Variants in DIAPH3 observed in about 807,000 individuals in gnomAD.
DIAPH3 encodes the protein diaphanous related formin 3.
A neutral mutation model predicts 144.3 loss-of-function variants in DIAPH3; 117 were observed. The ratio of observed to expected loss-of-function variants is 0.81; its 90% CI spans 0.70 to 0.95. The LOEUF (loss-of-function observed/expected upper bound fraction) is 0.95. Ranked by LOEUF, DIAPH3 falls within the 40% of genes least tolerant of loss-of-function variation. The pLI is 0.00. For missense variants in DIAPH3, 1,421 were observed against 1,412.7 expected, an observed-to-expected ratio of 1.01 and a Z score of -0.09; for synonymous variants, 519 against 488.9, an observed-to-expected ratio of 1.06 and a Z score of -0.81.
rs60853102 is a variant in DIAPH3 at position 60,105,099 on chromosome 13, C to CAAAAAAAAAAAAAAAA, written c.390+6895_390+6910dup. 2.2e-3 allele frequency among the ~76,000 whole-genome samples: 91 copies of CAAAAAAAAAAAAAAAA among 41,814 alleles called. 2 individuals carry two copies. Among genetic ancestry groups the CAAAAAAAAAAAAAAAA allele is most frequent in the East Asian group, 4.1e-3 (6 of 1,452 alleles). The allele number at this position is 41,814 out of a possible 152,430, so 27.4% of individuals were successfully genotyped here. On this transcript the variant is annotated intron_variant, in intron 3 of 27. Coordinates refer to ENST00000400324, the MANE Select transcript of DIAPH3 (RefSeq NM_001042517.2). ...TGGGCGACAAAGTGAGACACGATCT[C>CAAAAAAAAAAAAAAAA]AAAAAAAAAAAAAAAAAAAAAAAAA... is the stretch of plus-strand genomic sequence containing the variant.
At chr13:60,158,964 A>G (rs1191361995) in intron 1 of DIAPH3, among the ~76,000 whole-genome samples, 2 of 149,862 alleles carry the variant, frequency 1.3e-5, no homozygotes, top group African/African-American at 2.4e-5. Context: ...TTTTTGCCAT[A>G]TAAGGTAACA....
chr13:60,064,227 GC>G, intron 4 of DIAPH3, among the ~76,000 whole-genome samples: 1 of 152,228 alleles, frequency 6.6e-6, no homozygotes, highest in African/African-American at 2.4e-5. Flanking sequence ...AGCTGCATTA[GC>G]CCCAACAAAG....
chr13:59,979,453 G>A (rs1296649496), intron 14 of DIAPH3, among the ~76,000 whole-genome samples: 1 of 151,472 alleles, frequency 6.6e-6, no homozygotes, highest in Non-Finnish European at 1.5e-5. Context: ...AACACTATGA[G>A]ACTAAATTTA....
chr13:59,696,153 C>T (rs1283945881), intron 27 of DIAPH3: 4 of 152,128 alleles, frequency 2.6e-5, no homozygotes, highest in Admixed American at 6.5e-5. Flanking sequence ...GACATGGTTC[C>T]GTTGATCTTA....
At chr13:59,672,919 A>C (rs970444421) in intron 27 of DIAPH3, among the ~76,000 whole-genome samples, 7 of 152,256 alleles carry the variant, frequency 4.6e-5, no homozygotes, top group Admixed American at 6.5e-5. Flanking sequence ...ATATAATGAT[A>C]TCTTTGAATA....
At position 60,122,890 on chromosome 13, in the gene DIAPH3, A is replaced by G. The variant is rs200358920; in HGVS notation, c.213+10067T>C. ...AGAAACCCCAAAGTTCTATCTACCC[A>G]TCTACTCAAAGTACAATTCTAATTG... is the stretch of plus-strand genomic sequence containing the variant. On this transcript the variant is annotated intron_variant, in intron 2 of 27. Coordinates refer to ENST00000400324, the MANE Select transcript of DIAPH3 (RefSeq NM_001042517.2). Among the ~76,000 whole-genome samples the G allele has an allele frequency of 3.3e-5, 5 of 152,230 alleles. No individual in the cohort carries two copies. In the East Asian group the frequency reaches 9.6e-4, roughly 29 times the overall value.
intron 18 of DIAPH3, among the ~76,000 whole-genome samples, chr13:59,917,770 G>A (rs1188072533): frequency 7.3e-5 from 11 of 151,154 alleles, no homozygotes; most frequent in Non-Finnish European, 1.5e-4. Context: ...TGTGCCTGTA[G>A]TCCCAGCTAC....
Position 60,092,601 on chromosome 13 carries a change from A to G in DIAPH3, c.495+1027T>C, listed in dbSNP as rs548233863. Among the ~76,000 whole-genome samples, 18 of 152,264 alleles carry G rather than the reference A, an allele frequency of 1.2e-4. No homozygotes were observed. In the South Asian group the frequency reaches 3.7e-3, roughly 32 times the overall value. On this transcript the variant is annotated intron_variant, in intron 4 of 27. Coordinates refer to ENST00000400324, the MANE Select transcript of DIAPH3 (RefSeq NM_001042517.2). ...GGGAGGCGGAGCTTGCAGTGAGCCGAGATGGCGCCACTGCACCCCAGCCTG... is the reference window on the plus strand; with the variant it reads ...GGGAGGCGGAGCTTGCAGTGAGCCGGGATGGCGCCACTGCACCCCAGCCTG...
intron 5 of DIAPH3, among the ~76,000 whole-genome samples, chr13:60,036,851 A>G (rs1250350636): frequency 6.6e-6 from 1 of 152,138 alleles, no homozygotes; most frequent in Admixed American, 6.5e-5. Flanking sequence ...AGGAAATAAT[A>G]AAGTATAGAG....
At chr13:59,794,017 T>C (rs1044561098) in intron 25 of DIAPH3, among the ~76,000 whole-genome samples, 12 of 152,214 alleles carry the variant, frequency 7.9e-5, no homozygotes, top group Admixed American at 6.5e-4. Flanking sequence ...TGTACTTGAC[T>C]ACCCATACAA....
At position 60,016,092 on chromosome 13, in the gene DIAPH3, T is replaced by C. The variant is rs778294121; in HGVS notation, c.680A>G (p.Glu227Gly). 6.2e-7 allele frequency: 1 copy of C among 1,613,580 alleles called. No homozygotes were observed. Among genetic ancestry groups the C allele is most frequent in the Non-Finnish European group, 8.5e-7 (1 of 1,179,806 alleles). Residue 227 changes from glutamate to glycine, a missense_variant, in exon 6 of 28, where the codon GAA becomes GGA. By Grantham distance (98) the Glu-to-Gly change is moderately conservative. Transcript: ENST00000400324. ...EGLGLLLDIL[E>G]KLISGKIQEK... ...TTACATTTTTCCACTAATCAGTTTTTCCAAAATGTCTAATAATAATCCAAG... is the reference window on the plus strand; with the variant it reads ...TTACATTTTTCCACTAATCAGTTTTCCCAAAATGTCTAATAATAATCCAAG...
chr13:59,894,441 CA>C, intron 20 of DIAPH3, among the ~76,000 whole-genome samples: 1 of 151,094 alleles, frequency 6.6e-6, no homozygotes, highest in South Asian at 2.1e-4. Flanking sequence ...GGCCAGCAGT[CA>C]AAATCATGGA....
intron 4 of DIAPH3, among the ~76,000 whole-genome samples, chr13:60,045,807 G>A (rs1365252275): frequency 6.6e-6 from 1 of 152,116 alleles, no homozygotes; most frequent in Non-Finnish European, 1.5e-5. Context: ...TCAACAATAA[G>A]TAAGCTCCAT....
chr13:59,916,791 A>G (rs973035470), intron 18 of DIAPH3, among the ~76,000 whole-genome samples: 2 of 152,178 alleles, frequency 1.3e-5, no homozygotes, highest in Non-Finnish European at 2.9e-5. Flanking sequence ...ATGCTAGGGA[A>G]ACCTTCACAT....
At chr13:59,914,730 T>C (rs148492264) in intron 19 of DIAPH3, among the ~76,000 whole-genome samples, 245 of 152,258 alleles carry the variant, frequency 1.6e-3, no homozygotes, top group Middle Eastern at 6.8e-3. Context: ...CCATAGAGTA[T>C]GAGCAACCAT....
At chr13:60,081,186 A>C (rs2057547451) in intron 4 of DIAPH3, among the ~76,000 whole-genome samples, 1 of 151,998 alleles carries the variant, frequency 6.6e-6, no homozygotes, top group South Asian at 2.1e-4. Flanking sequence ...TGAATTTCCC[A>C]ACTATCAATG....
Position 60,014,969 on chromosome 13 carries a change from TTTTTGTTTTGTTTTG to T in DIAPH3, c.771+929_771+943del, listed in dbSNP as rs71089521. ...TAAGAATTCCTCTTTTTTTCTAGTTTTTTTGTTTTGTTTTGTTTTGTTTTGTTTTGTTTTGTTTTG... is the reference window on the plus strand; with the variant it reads ...TAAGAATTCCTCTTTTTTTCTAGTTTTTTTGTTTTGTTTTGTTTTGTTTTG... On this transcript the variant is annotated intron_variant, in intron 7 of 27. Transcript: ENST00000400324. Among the ~76,000 whole-genome samples the T allele has an allele frequency of 1.3e-4, 19 of 147,110 alleles. No homozygotes were observed. In the East Asian group the frequency reaches 1.8e-3, roughly 14 times the overall value.
intron 27 of DIAPH3, among the ~76,000 whole-genome samples, chr13:59,757,496 G>T (rs1225144794): frequency 6.8e-6 from 1 of 146,144 alleles, no homozygotes; most frequent in Non-Finnish European, 1.5e-5. Context: ...CGCCTCCCAG[G>T]TTCACGCCAT....
chr13:60,040,054 G>A (rs1203117772), intron 5 of DIAPH3, among the ~76,000 whole-genome samples: 1 of 151,746 alleles, frequency 6.6e-6, no homozygotes, highest in Non-Finnish European at 1.5e-5. Flanking sequence ...TGGCCAATAT[G>A]GTGAGGCCTG....
Sources: allele counts gnomAD v4.1 joint callset (sites outside exome capture counted in the v4.1 genomes callset), GRCh38; gene constraint gnomAD v4.1.1; transcripts MANE v1.5; gene names NCBI Gene and HGNC (gene_info 2026-07-23, HGNC 2026-07-21).